Variants in ZIM2 observed in about 807,000 individuals in gnomAD.
The protein encoded by ZIM2 is zinc finger protein 656.
In ZIM2, 14 loss-of-function variants were observed where a neutral mutation model predicts 38.6. The ratio of observed to expected loss-of-function variants is 0.36; its 90% CI spans 0.24 to 0.57. The LOEUF is 0.57. ZIM2 is among the 20% of genes least tolerant of loss of function. ZIM2 has a pLI of 0.81. For synonymous variants in ZIM2, 247 were observed against 245.8 expected, an observed-to-expected ratio of 1.00 and a Z score of -0.04; for missense variants, 680 against 695.1, an observed-to-expected ratio of 0.98 and a Z score of 0.24.
chr19:56,810,026 C>T, intron 9 of ZIM2: 1 of 433,800 alleles, frequency 2.3e-6, no homozygotes, highest in Non-Finnish European at 3.1e-6. Flanking sequence ...ATAACTCTAA[C>T]AAAATAACAT....
At position 56,814,733 on chromosome 19, in the gene ZIM2, TATGA is replaced by T. The variant is rs1401712800; in HGVS notation, c.490+3009_490+3012del. On this transcript the variant is annotated intron_variant, in intron 9 of 12. Transcript: ENST00000629319. This position sits in a 1 kb window ranked among gnomAD's most constrained non-coding sequence, Gnocchi z 5.8. The stretch of plus-strand genomic sequence containing the variant: ...CTCATATGCTCATTAAGGGCAGAGC[TATGA>T]ATGAAGCCTTGTCCACACAAAAGGC... 1.2e-6 allele frequency: 2 copies of T among 1,614,018 alleles called. No individual in the cohort carries two copies. Among genetic ancestry groups the T allele is most frequent in the Non-Finnish European group, 1.7e-6 (2 of 1,180,026 alleles).
intron 9 of ZIM2, chr19:56,798,689 A>T (rs1790628577): frequency 6.6e-6 from 1 of 152,216 alleles, no homozygotes; most frequent in Non-Finnish European, 1.5e-5. Context: ...ACAGCATGGG[A>T]GAAAATTTTT....
At chr19:56,824,174 C>T (rs1568677882) in intron 4 of ZIM2, 88 bp downstream of exon 4, 8 of 1,549,324 alleles carry the variant, frequency 5.2e-6, no homozygotes, top group Non-Finnish European at 8.7e-7. Context: ...GTTATCCAGT[C>T]CAGACCATGT....
intron 7 of ZIM2, among the ~76,000 whole-genome samples, chr19:56,819,639 G>A (rs1212917743): frequency 2.0e-5 from 3 of 152,146 alleles, no homozygotes; most frequent in Non-Finnish European, 2.9e-5. Context: ...CCTTGGGAAC[G>A]GAAATCTTTT....
At chr19:56,823,973 C>T (rs1476841362) in intron 4 of ZIM2, among the ~76,000 whole-genome samples, 1 of 152,164 alleles carries the variant, frequency 6.6e-6, no homozygotes, top group Non-Finnish European at 1.5e-5. Flanking sequence ...AGGAGGTTTT[C>T]TCCCTTCTAC....
chr19:56,804,659 G>A (rs572230935), intron 9 of ZIM2, among the ~76,000 whole-genome samples: 3 of 152,198 alleles, frequency 2.0e-5, no homozygotes, highest in South Asian at 2.1e-4. Flanking sequence ...GTCCCACTCA[G>A]TATGATTAGA....
chr19:56,804,812 T>C (rs1188931938), intron 9 of ZIM2, among the ~76,000 whole-genome samples: 1 of 152,252 alleles, frequency 6.6e-6, no homozygotes, highest in Non-Finnish European at 1.5e-5. Flanking sequence ...TTAAACCTTA[T>C]AGTAACCCCG....
At position 56,836,100 on chromosome 19, in the gene ZIM2, C is replaced by G. The variant is rs952279611; in HGVS notation, c.-309G>C. On this transcript the variant is annotated 5_prime_UTR_variant, in exon 2 of 13. Transcript: ENST00000629319. The stretch of plus-strand genomic sequence containing the variant: ...CAAGAAGGACGGAAGATCAAGAAGG[C>G]AAAGCTGTAGAGGAAAAGAAAATGT... The G allele has an allele frequency of 6.2e-6, 3 of 482,826 alleles. No individual in the cohort carries two copies. The highest frequency in any genetic ancestry group is 1.2e-5 in the Non-Finnish European group (3 of 241,426). 29.9% of individuals were successfully genotyped at this position (482,826 alleles called of 1,614,324 possible). A position where few individuals can be genotyped will look rare whatever the true frequency, so the allele number is the denominator to read the frequency against.
chr19:56,774,561 T>TTTGGAAAGTGTG lies in ZIM2; in HGVS notation c.*126_*127insCACACTTTCCAA. On this transcript the variant is annotated 3_prime_UTR_variant, in exon 13 of 13. Transcript: ENST00000629319. ...AAAATTGCAACTTTTTTTTTTTTTTTACCACACTTTGATGAATGTTCAAGT... is the reference window on the plus strand; with the variant it reads ...AAAATTGCAACTTTTTTTTTTTTTTTTTGGAAAGTGTGACCACACTTTGATGAATGTTCAAGT... 7.2e-7 allele frequency: 1 copy of TTTGGAAAGTGTG among 1,390,594 alleles called. No individual in the cohort carries two copies. The highest frequency in any genetic ancestry group is 2.4e-5 in the East Asian group (1 of 41,806). The allele number at this position is 1,390,594 out of a possible 1,614,324, so 86.1% of individuals were successfully genotyped here.
chr19:56,839,714 T>C (rs1353109001), intron 1 of ZIM2, among the ~76,000 whole-genome samples: 1 of 151,886 alleles, frequency 6.6e-6, no homozygotes, highest in Non-Finnish European at 1.5e-5. Context: ...TTACATCCAA[T>C]GCAACCCACA....
chr19:56,787,925 AG>A (rs1286432694), intron 10 of ZIM2, among the ~76,000 whole-genome samples: 1 of 151,750 alleles, frequency 6.6e-6, no homozygotes, highest in East Asian at 1.9e-4. Context: ...CTGTGGGATC[AG>A]TGATGATATC....
At chr19:56,822,952 G>T in intron 5 of ZIM2, 116 bp from the exon 6 acceptor site, 1 of 1,369,426 alleles carries the variant, frequency 7.3e-7, no homozygotes, top group Non-Finnish European at 1.0e-6. Context: ...CAAGGAGATG[G>T]ATCCAAAACA....
Position 56,836,969 on chromosome 19 carries a change from C to CAAAA in ZIM2, c.-313-869_-313-866dup, listed in dbSNP as rs573566620. On this transcript the variant is annotated intron_variant, in intron 1 of 12. Coordinates refer to ENST00000629319, the MANE Select transcript of ZIM2 (RefSeq NM_001387356.1). ...TGGGTGAGAGGGCCAGACTCTGTCT[C>CAAAA]AAAAAAAAAAAAAAAAAAAAAAAAA... is the stretch of plus-strand genomic sequence containing the variant. Among the ~76,000 whole-genome samples, 189 of 116,922 alleles carry CAAAA rather than the reference C, an allele frequency of 1.6e-3. 2 individuals are homozygous for CAAAA. The highest frequency in any genetic ancestry group is 3.5e-3 in the East Asian group (12 of 3,458). The allele number at this position is 116,922 out of a possible 152,430, so 76.7% of individuals were successfully genotyped here.
At chr19:56,826,216 A>C (rs941680688) in intron 3 of ZIM2, among the ~76,000 whole-genome samples, 172 bp downstream of exon 3, 1 of 152,166 alleles carries the variant, frequency 6.6e-6, no homozygotes, top group Non-Finnish European at 1.5e-5. Context: ...AGACATGGTC[A>C]CTCTAACCCA....
intron 4 of ZIM2, 64 bp downstream of exon 4, chr19:56,824,198 G>A (rs1035126436): frequency 4.5e-6 from 7 of 1,567,906 alleles, no homozygotes; most frequent in African/African-American, 1.4e-5. Context: ...AAGTGTGGAG[G>A]CTGAGAGCCC....
chr19:56,779,926 T>C (rs2046239601), intron 11 of ZIM2, among the ~76,000 whole-genome samples: 1 of 152,212 alleles, frequency 6.6e-6, no homozygotes, highest in South Asian at 2.1e-4. Context: ...CACTGCCCCT[T>C]TGTCTTGAAG....
chr19:56,839,178 C>T (rs1482378878), intron 1 of ZIM2, among the ~76,000 whole-genome samples: 3 of 151,976 alleles, frequency 2.0e-5, no homozygotes, highest in Admixed American at 6.5e-5. Context: ...GGTCCAATGC[C>T]ACCCTGTCAC....
intron 9 of ZIM2, among the ~76,000 whole-genome samples, chr19:56,801,877 G>A (rs1415644335): frequency 1.3e-5 from 2 of 152,292 alleles, no homozygotes; most frequent in African/African-American, 4.8e-5. Flanking sequence ...GAGGACAAAT[G>A]GCAAGCCCAC....
intron 7 of ZIM2, among the ~76,000 whole-genome samples, chr19:56,818,957 G>C (rs2060228229): frequency 6.6e-6 from 1 of 152,190 alleles, no homozygotes. Context: ...TTTGGTTGGA[G>C]AGAAAAGACT....
Sources: gnomAD v4.1 joint callset for allele counts (sites outside exome capture counted in the v4.1 genomes callset) on GRCh38, gnomAD v4.1.1 for gene constraint, Gnocchi (gnomAD v3.1) non-coding constraint, MANE v1.5 for transcripts, NCBI Gene and HGNC (gene_info 2026-07-23, HGNC 2026-07-21) for gene names.